Variants in MCU observed in about 807,000 individuals in gnomAD.
The protein encoded by MCU is mitochondrial calcium uniporter, also known as calcium uniporter protein, mitochondrial.
A neutral mutation model predicts 45.2 loss-of-function variants in MCU; 12 were observed. The ratio of observed to expected loss-of-function variants is 0.27; its 90% confidence interval spans 0.17 to 0.43. The LOEUF is 0.43. MCU is among the 20% of genes least tolerant of loss of function. The pLI is 1.00. For synonymous variants in MCU, 160 were observed against 165.1 expected, an observed-to-expected ratio of 0.97 and a Z score of 0.24; for missense variants, 324 against 436.7, an observed-to-expected ratio of 0.74 and a Z score of 2.30.
rs189207091 is a variant in MCU at position 72,855,397 on chromosome 10, G to A, written c.221-3780G>A. Among the ~76,000 whole-genome samples, 249 of 151,956 alleles carry A rather than the reference G, an allele frequency of 1.6e-3. 1 individual carries two copies. Among genetic ancestry groups the A allele is most frequent in the Non-Finnish European group, 1.4e-3 (96 of 67,992 alleles). ...GTTCAAGGTCAGCCTGGGCAACATA[G>A]TGAGACCCTGTCTCTACCCCCACCA... On this transcript the variant is annotated intron_variant, in intron 2 of 7. Transcript: ENST00000373053.
At chr10:72,727,039 A>G (rs545570679) in intron 1 of MCU, among the ~76,000 whole-genome samples, 42 of 152,294 alleles carry the variant, frequency 2.8e-4, no homozygotes, top group Admixed American at 5.9e-4. Flanking sequence ...GGCTTTGGGG[A>G]TGGCGGTTGG....
intron 1 of MCU, among the ~76,000 whole-genome samples, chr10:72,759,087 T>A (rs924147546): frequency 1.3e-5 from 2 of 152,208 alleles, no homozygotes; most frequent in Non-Finnish European, 2.9e-5. Flanking sequence ...TCTGTTCATC[T>A]GTAGCAGGAC....
At chr10:72,843,797 A>G (rs1845080645) in intron 2 of MCU, among the ~76,000 whole-genome samples, 1 of 148,474 alleles carries the variant, frequency 6.7e-6, no homozygotes, top group Admixed American at 6.8e-5. Context: ...CCTTGCCAGC[A>G]TTTGATGTTT....
chr10:72,867,582 G>A (rs187586966), intron 4 of MCU, among the ~76,000 whole-genome samples: 5 of 152,234 alleles, frequency 3.3e-5, no homozygotes, highest in East Asian at 3.9e-4. Flanking sequence ...GGCCGGGTGC[G>A]GTGGCTCAAG....
intron 1 of MCU, among the ~76,000 whole-genome samples, chr10:72,826,954 T>G (rs1344939099): frequency 1.4e-5 from 2 of 148,082 alleles, no homozygotes; most frequent in African/African-American, 4.9e-5. Flanking sequence ...TATATTGTTG[T>G]AATTATTCTA....
intron 1 of MCU, chr10:72,756,754 C>G (rs1307207875): frequency 2.6e-5 from 4 of 151,898 alleles, no homozygotes; most frequent in Non-Finnish European, 5.9e-5. Flanking sequence ...CGTTTTATGC[C>G]CCGCCCCCCG....
chr10:72,824,914 A>G (rs1403622657), intron 1 of MCU, among the ~76,000 whole-genome samples: 1 of 152,234 alleles, frequency 6.6e-6, no homozygotes, highest in African/African-American at 2.4e-5. Flanking sequence ...ATTAATGCAA[A>G]GAAGATTTGG....
At chr10:72,780,511 A>AGAGTGTGTGTGTGTGTGTGT (rs778332838) in intron 1 of MCU, among the ~76,000 whole-genome samples, 9 of 110,586 alleles carry the variant, frequency 8.1e-5, no homozygotes, top group East Asian at 3.8e-4. Flanking sequence ...TCTTTGGCTA[A>AGAGTGTGTGTGTGTGTGTGT]GTGTGTGTGT....
At chr10:72,778,545 T>A (rs568680956) in intron 1 of MCU, among the ~76,000 whole-genome samples, 1 of 152,116 alleles carries the variant, frequency 6.6e-6, no homozygotes, top group Admixed American at 6.6e-5. Context: ...GGGGTGGGGT[T>A]TGGGAGGCAT....
intron 1 of MCU, among the ~76,000 whole-genome samples, chr10:72,792,801 T>G (rs1394373070): frequency 6.8e-6 from 1 of 147,892 alleles, no homozygotes; most frequent in Non-Finnish European, 1.5e-5. Flanking sequence ...TTGAATGACA[T>G]CAGTGTGTGT....
At chr10:72,871,797 ACAAACTATTAAGAAAGCCATGTAGAC>A (rs1387179636) in intron 6 of MCU, among the ~76,000 whole-genome samples, 1 of 152,196 alleles carries the variant, frequency 6.6e-6, no homozygotes, top group Non-Finnish European at 1.5e-5. Flanking sequence ...CATGGAGCTC[ACAAACTATTAAGAAAGCCATGTAGAC>A]CATTAAATTC....
intron 1 of MCU, among the ~76,000 whole-genome samples, chr10:72,797,827 A>G (rs1844274910): frequency 6.6e-6 from 1 of 151,846 alleles, no homozygotes; most frequent in Non-Finnish European, 1.5e-5. Flanking sequence ...CCAGCCCATA[A>G]TGTACTTTTA....
At chr10:72,700,103 A>G (rs1303004109) in intron 1 of MCU, among the ~76,000 whole-genome samples, 5 of 138,060 alleles carry the variant, frequency 3.6e-5, no homozygotes, top group Non-Finnish European at 6.1e-5. Flanking sequence ...GTTGTTGCCC[A>G]GGCTGGAGTG....
chr10:72,766,821 A>T (rs1320550671), intron 1 of MCU: 1 of 152,228 alleles, frequency 6.6e-6, no homozygotes, highest in Non-Finnish European at 1.5e-5. Flanking sequence ...CTTCTGATTT[A>T]AATAAATTTC....
chr10:72,799,427 C>G (rs1014835598), intron 1 of MCU, among the ~76,000 whole-genome samples: 1 of 152,122 alleles, frequency 6.6e-6, no homozygotes, highest in African/African-American at 2.4e-5. Context: ...CCAGCCTTCA[C>G]AAAGCTGTTC....
intron 1 of MCU, 99 bp downstream of exon 1, chr10:72,692,400 C>T: frequency 8.0e-6 from 8 of 995,922 alleles, no homozygotes; most frequent in Non-Finnish European, 9.8e-6. Context: ...CGAGTTACCT[C>T]AACTCCCGGC....
intron 1 of MCU, among the ~76,000 whole-genome samples, chr10:72,809,073 G>C (rs1401519846): frequency 2.0e-5 from 3 of 152,214 alleles, no homozygotes; most frequent in Non-Finnish European, 4.4e-5. Context: ...CAGTCTTTCT[G>C]TTGGAGAGTG....
At chr10:72,860,202 C>A in intron 3 of MCU, 1 of 509,802 alleles carries the variant, frequency 2.0e-6, no homozygotes. Flanking sequence ...TTCACTTGTT[C>A]ATATAGTTCA....
chr10:72,865,700 C>A (rs200619868), intron 4 of MCU, among the ~76,000 whole-genome samples: 1 of 151,068 alleles, frequency 6.6e-6, no homozygotes, highest in Non-Finnish European at 1.5e-5. Context: ...TGCCACACGC[C>A]GGCAAATTTT....
Sources: allele counts gnomAD v4.1 joint callset (sites outside exome capture counted in the v4.1 genomes callset), GRCh38; gene constraint gnomAD v4.1.1; transcripts MANE v1.5; gene names NCBI Gene and HGNC (gene_info 2026-07-23, HGNC 2026-07-21).